The following ALDH1A1 variants were observed in gnomAD, a reference collection of about 807,000 sequenced individuals.
ALDH1A1 encodes the protein aldehyde dehydrogenase 1A1.
ALDH1A1 carries 19 observed loss-of-function variants against 62.1 expected under a neutral mutation model. The ratio of observed to expected loss-of-function variants is 0.31; its 90% CI spans 0.21 to 0.45. The LOEUF (loss-of-function observed/expected upper bound fraction) is 0.45, where lower values mean the gene tolerates loss of function less well. Ranked by LOEUF, ALDH1A1 falls within the 20% of genes least tolerant of loss-of-function variation. ALDH1A1 has a pLI of 1.00. For missense variants in ALDH1A1, 521 were observed against 607.1 expected (o/e 0.86, Z 1.49); for synonymous variants, 231 against 215.9 (o/e 1.07, Z -0.61).
chr9:72,950,504 C>A (rs1209009527), intron 1 of ALDH1A1, among the ~76,000 whole-genome samples: 1 of 151,840 alleles, frequency 6.6e-6, no homozygotes, highest in Non-Finnish European at 1.5e-5. Context: ...TCTGATCTCT[C>A]TTTAATCTAC....
At chr9:72,930,474 C>T (rs912466892) in intron 3 of ALDH1A1, among the ~76,000 whole-genome samples, 1 of 152,088 alleles carries the variant, frequency 6.6e-6, no homozygotes, top group Non-Finnish European at 1.5e-5. Flanking sequence ...ATATTTTGGG[C>T]ACCCTTAACA....
At chr9:72,908,571 GAAAGA>G (rs1271712019) in intron 11 of ALDH1A1, among the ~76,000 whole-genome samples, 11 of 91,444 alleles carry the variant, frequency 1.2e-4, no homozygotes, top group South Asian at 8.0e-4. Context: ...AAGAAAGAAA[GAAAGA>G]AAGAAAGAAA....
intron 8 of ALDH1A1, among the ~76,000 whole-genome samples, chr9:72,918,082 A>G (rs1464958038): frequency 6.6e-6 from 1 of 152,226 alleles, no homozygotes; most frequent in Non-Finnish European, 1.5e-5. Flanking sequence ...TGAAAGAAAA[A>G]AGAATGTTTG....
At position 72,918,723 on chromosome 9, in the gene ALDH1A1, C is replaced by T. The variant is rs1190667554; in HGVS notation, c.847G>A (p.Asp283Asn). 1.3e-6 allele frequency: 2 copies of T among 1,590,824 alleles called. No homozygotes were observed. The highest frequency in any genetic ancestry group is 8.6e-7 in the Non-Finnish European group (1 of 1,168,370). ...KSPCIVLADA[D>N]LDNAVEFAHH... ...TAACAAAGTGGTTTCTACTCACAGT[C>T]GGCATCAGCTAACACAATGCAAGGG... Residue 283 changes from aspartate (D) to asparagine (N), a missense_variant, in exon 8 of 13, where the codon GAC (aspartate) becomes AAC (asparagine). Transcript: ENST00000297785.
Position 72,931,011 on chromosome 9 carries a change from A to G in ALDH1A1, c.180T>C (p.Val60=). ...GTCTTGCGGCCTTCACTGCCTTGTC[A>G]ACATCCTCCTGTAAGTCAACAGGAA... is the stretch of plus-strand genomic sequence containing the variant. ...CQVEEGDKED[V]DKAVKAARQA... Residue 60 remains valine (V), a synonymous_variant, in exon 3 of 13, where the codon GTT becomes GTC. Transcript: ENST00000297785. The G allele has an allele frequency of 2.5e-6, 4 of 1,613,962 alleles. No homozygotes were observed. The highest frequency in any genetic ancestry group is 4.5e-5 in the East Asian group (2 of 44,872).
chr9:72,906,525 T>C (rs1829880792), intron 11 of ALDH1A1, among the ~76,000 whole-genome samples: 1 of 152,194 alleles, frequency 6.6e-6, no homozygotes, highest in South Asian at 2.1e-4. Flanking sequence ...AATAAATTGC[T>C]TAAACAGAGG....
At chr9:72,920,478 A>AT (rs8187946) in intron 7 of ALDH1A1, among the ~76,000 whole-genome samples, 20 of 152,144 alleles carry the variant, frequency 1.3e-4, no homozygotes, top group Middle Eastern at 3.4e-3. Context: ...TTCTTTCTGA[A>AT]TTTTTTTTAT....
At chr9:72,901,490 A>C (rs1280649090) in intron 12 of ALDH1A1, among the ~76,000 whole-genome samples, 1 of 152,086 alleles carries the variant, frequency 6.6e-6, no homozygotes, top group Non-Finnish European at 1.5e-5. Flanking sequence ...TTTTCTTTAA[A>C]ACTTTCATTT....
chr9:72,908,514 AG>A (rs1829913587), intron 11 of ALDH1A1, among the ~76,000 whole-genome samples: 2 of 99,514 alleles, frequency 2.0e-5, no homozygotes, highest in East Asian at 2.2e-4. Flanking sequence ...GACGAAAGAA[AG>A]AAAGAAAGAA....
At chr9:72,918,097 T>C (rs572408158) in intron 8 of ALDH1A1, among the ~76,000 whole-genome samples, 22 of 152,364 alleles carry the variant, frequency 1.4e-4, no homozygotes, top group Non-Finnish European at 2.9e-4. Context: ...TGTTTGACCA[T>C]GCATTTCTGC....
chr9:72,910,732 A>T lies in ALDH1A1; in HGVS notation c.1201-973T>A, dbSNP rs537678619. On this transcript the variant is annotated intron_variant, in intron 10 of 12. Coordinates refer to ENST00000297785, the MANE Select transcript of ALDH1A1 (RefSeq NM_000689.5). ...TGAAGGAAGACAAAAATCAGAAATG[A>T]CAAAGAGTTTTCTGGTGTTCACCAC... Among the ~76,000 whole-genome samples, 125 of 152,292 alleles carry T rather than the reference A, an allele frequency of 8.2e-4. 1 individual carries two copies. Among genetic ancestry groups the T allele is most frequent in the African/African-American group, 3.0e-3 (123 of 41,570 alleles).
At chr9:72,951,043 C>T (rs1299712505) in intron 1 of ALDH1A1, among the ~76,000 whole-genome samples, 1 of 151,916 alleles carries the variant, frequency 6.6e-6, no homozygotes, top group Non-Finnish European at 1.5e-5. Context: ...AAAATGCTAT[C>T]TGAGCAGAAC....
At chr9:72,924,977 C>T (rs1830186241) in intron 6 of ALDH1A1, among the ~76,000 whole-genome samples, 1 of 152,066 alleles carries the variant, frequency 6.6e-6, no homozygotes, top group African/African-American at 2.4e-5. Flanking sequence ...TGCAGAGGAA[C>T]TCATAATAGA....
At chr9:72,928,301 C>T (rs1564633930) in intron 4 of ALDH1A1, among the ~76,000 whole-genome samples, 1 of 152,064 alleles carries the variant, frequency 6.6e-6, no homozygotes, top group Non-Finnish European at 1.5e-5. Context: ...TATGTGCATA[C>T]CCCACTAAAA....
At chr9:72,931,626 C>A (rs969331036) in intron 2 of ALDH1A1, among the ~76,000 whole-genome samples, 2 of 152,168 alleles carry the variant, frequency 1.3e-5, no homozygotes, top group Non-Finnish European at 2.9e-5. Flanking sequence ...CATGAAGAGC[C>A]TATTGAAGGG....
chr9:72,916,158 C>T (rs1830060197), intron 9 of ALDH1A1, among the ~76,000 whole-genome samples: 1 of 152,020 alleles, frequency 6.6e-6, no homozygotes, highest in Admixed American at 6.6e-5. Flanking sequence ...TTAAAATATC[C>T]CTAGACATTG....
intron 2 of ALDH1A1, among the ~76,000 whole-genome samples, chr9:72,936,565 G>A (rs1830349542): frequency 6.6e-6 from 1 of 152,086 alleles, no homozygotes; most frequent in South Asian, 2.1e-4. Context: ...GAACATTTGA[G>A]GTGGTGGTGT....
At chr9:72,948,026 A>T (rs1588146590) in intron 1 of ALDH1A1, among the ~76,000 whole-genome samples, 1 of 151,978 alleles carries the variant, frequency 6.6e-6, no homozygotes, top group East Asian at 1.9e-4. Context: ...GCCACATTCC[A>T]CAAATTACCT....
chr9:72,918,715 C>G lies in ALDH1A1; in HGVS notation c.850+5G>C. 1 of 1,455,562 alleles carries G rather than the reference C, an allele frequency of 6.9e-7. No homozygotes were observed. Among genetic ancestry groups the G allele is most frequent in the Non-Finnish European group, 9.2e-7 (1 of 1,083,816 alleles). The allele number at this position is 1,455,562 out of a possible 1,614,324, so 90.2% of individuals were successfully genotyped here. On this transcript the variant is annotated splice_donor_5th_base_variant and intron_variant, in intron 8 of 12. Transcript: ENST00000297785. ...CGAAAAGTTAACAAAGTGGTTTCTACTCACAGTCGGCATCAGCTAACACAA... is the reference window on the plus strand; with the variant it reads ...CGAAAAGTTAACAAAGTGGTTTCTAGTCACAGTCGGCATCAGCTAACACAA...
Sources: allele counts gnomAD v4.1 joint callset (sites outside exome capture counted in the v4.1 genomes callset), GRCh38; gene constraint gnomAD v4.1.1; transcripts MANE v1.5; gene names NCBI Gene and HGNC (gene_info 2026-07-23, HGNC 2026-07-21).